The following ARF1 variants were observed in gnomAD, a reference collection of about 807,000 sequenced individuals.
The protein encoded by ARF1 is ADP-ribosylation factor 1.
ARF1 carries 1 observed loss-of-function variant against 18.0 expected under a neutral mutation model. That is an observed-to-expected ratio of 0.06 (90% CI 0.02 to 0.26). The LOEUF is 0.26. Ranked by LOEUF, ARF1 falls within the 10% of genes least tolerant of loss-of-function variation. The pLI is 1.00. For synonymous variants in ARF1, 112 were observed against 96.3 expected, an observed-to-expected ratio of 1.16 and a Z score of -0.95; for missense variants, 73 against 247.2, an observed-to-expected ratio of 0.30 and a Z score of 4.73.
In ARF1 at chr1:228,092,832, C is replaced by T. The variant is rs193051254; in HGVS notation, c.-37-4246C>T. 2.0e-4 allele frequency among the ~76,000 whole-genome samples: 30 copies of T among 152,304 alleles called. No homozygotes were observed. In the East Asian group the frequency reaches 5.4e-3, roughly 27 times the overall value. ...CAGTTTGGTTGGATCCATTCATGGA[C>T]ACAAAACGGATGTGAACTCACAGAG... On this transcript the variant is annotated intron_variant, in intron 1 of 4. Transcript: ENST00000272102.
chr1:228,097,547 G>A lies in ARF1; in HGVS notation c.260-44G>A. 1 of 1,612,036 alleles carries A rather than the reference G, an allele frequency of 6.2e-7. No homozygotes were observed. The highest frequency in any genetic ancestry group is 8.5e-7 in the Non-Finnish European group (1 of 1,179,894). The stretch of plus-strand genomic sequence containing the variant: ...GCATCGATGCCCATAGATGCGGCAG[G>A]GGGGCTGTGTTCCCATGACCATTTG... On this transcript the variant is annotated intron_variant, in intron 3 of 4. Coordinates refer to ENST00000272102, the MANE Select transcript of ARF1 (RefSeq NM_001658.4). The surrounding 1 kb of genome is among the most constrained non-coding windows in gnomAD (Gnocchi z 8.1).
intron 1 of ARF1, among the ~76,000 whole-genome samples, chr1:228,093,547 G>A (rs1448413864): frequency 6.6e-6 from 1 of 151,712 alleles, no homozygotes; most frequent in African/African-American, 2.4e-5. Context: ...TGAGACTTCA[G>A]GTTCACCCAT....
intron 1 of ARF1, among the ~76,000 whole-genome samples, chr1:228,091,747 A>T (rs2032583052): frequency 6.6e-6 from 1 of 152,206 alleles, no homozygotes. Context: ...TGCAGTGCTC[A>T]GTCACAGAAA....
chr1:228,086,578 A>G (rs531279299), intron 1 of ARF1, among the ~76,000 whole-genome samples: 1 of 152,228 alleles, frequency 6.6e-6, no homozygotes, highest in Non-Finnish European at 1.5e-5. Flanking sequence ...AAATACCCGA[A>G]AGGCCTGCCT....
rs995729445 is a variant in ARF1, at chr1:228,098,567, G to A, written c.*554G>A. ...AACATGAGGTGGTGGTGGCGCAGCA[G>A]ACTGCGATCAATTCTGCATGGTCAC... On this transcript the variant is annotated 3_prime_UTR_variant, in exon 5 of 5. Transcript: ENST00000272102. The A allele has an allele frequency of 6.5e-6, 1 of 152,870 alleles. No homozygotes were observed. Among genetic ancestry groups the A allele is most frequent in the African/African-American group, 2.4e-5 (1 of 41,456 alleles). The allele number at this position is 152,870 out of a possible 1,614,324, so 9.5% of individuals were successfully genotyped here.
rs2032832572 is a variant in ARF1 at position 228,098,407 on chromosome 1, A to G, written c.*394A>G. Reference sequence around the variant, plus strand: ...CATTTTGGTGGTTGGTTTTTAACCCAAACTCAGTGCATTTTTTAAAATAGT... The same window carrying G: ...CATTTTGGTGGTTGGTTTTTAACCCGAACTCAGTGCATTTTTTAAAATAGT... On this transcript the variant is annotated 3_prime_UTR_variant, in exon 5 of 5. Coordinates refer to ENST00000272102, the MANE Select transcript of ARF1 (RefSeq NM_001658.4). 6.2e-6 allele frequency: 1 copy of G among 160,200 alleles called. No homozygotes were observed. The allele number at this position is 160,200 out of a possible 1,614,324, so 9.9% of individuals were successfully genotyped here. A position where few individuals can be genotyped will look rare whatever the true frequency, so the allele number is the denominator to read the frequency against.
In ARF1 at chr1:228,097,980, C is replaced by A. The variant is rs768348405; in HGVS notation, c.513C>A (p.Asp171Glu). The change falls in exon 5 of 5, where the codon GAC (aspartate) becomes GAA (glutamate). Residue 171 changes from aspartate to glutamate, a missense_variant. Coordinates refer to ENST00000272102, the MANE Select transcript of ARF1 (RefSeq NM_001658.4). The surrounding 1 kb of genome is among the most constrained non-coding windows in gnomAD (Gnocchi z 8.1). Reference protein sequence around the residue: ...TSGDGLYEGLDWLSNQLRNQK With the variant: ...TSGDGLYEGLEWLSNQLRNQK ...GCGACGGGCTCTATGAAGGACTGGA[C>A]TGGCTGTCCAATCAGCTCCGGAACC... 1 of 1,614,120 alleles carries A rather than the reference C, an allele frequency of 6.2e-7. No individual in the cohort carries two copies. The highest frequency in any genetic ancestry group is 8.5e-7 in the Non-Finnish European group (1 of 1,179,982).
chr1:228,097,069 T>G lies in ARF1; in HGVS notation c.-37-9T>G, dbSNP rs771140686. 6.4e-7 allele frequency: 1 copy of G among 1,551,598 alleles called. No homozygotes were observed. The highest frequency in any genetic ancestry group is 1.9e-5 in the Admixed American group (1 of 53,134). On this transcript the variant is annotated splice_polypyrimidine_tract_variant and intron_variant, in intron 1 of 4. Coordinates refer to ENST00000272102, the MANE Select transcript of ARF1 (RefSeq NM_001658.4). This position sits in a 1 kb window ranked among gnomAD's most constrained non-coding sequence, Gnocchi z 8.1. ...ACAGAACCAGACATGGAGCACCTTG[T>G]CTCTCCAGGTGTCCCTGGCCAGTGT...
At chr1:228,091,961 CTATA>C (rs1558085306) in intron 1 of ARF1, among the ~76,000 whole-genome samples, 1 of 152,118 alleles carries the variant, frequency 6.6e-6, no homozygotes, top group East Asian at 1.9e-4. Flanking sequence ...ATCATCTACA[CTATA>C]TGTATGACTG....
rs746117851 is a variant in ARF1, at chr1:228,097,314, A to G, written c.149-28A>G. The G allele has an allele frequency of 3.1e-6, 5 of 1,611,970 alleles. No homozygotes were observed. Among genetic ancestry groups the G allele is most frequent in the African/African-American group, 2.7e-5 (2 of 74,874 alleles). Reference sequence around the variant, plus strand: ...GCTGGGCTGGGCTGGGCCAAGGTACAAGGCCTCACCCTGCATCCCGCACCC... The same window carrying G: ...GCTGGGCTGGGCTGGGCCAAGGTACGAGGCCTCACCCTGCATCCCGCACCC... On this transcript the variant is annotated intron_variant, in intron 2 of 4. Coordinates refer to ENST00000272102, the MANE Select transcript of ARF1 (RefSeq NM_001658.4). This position sits in a 1 kb window ranked among gnomAD's most constrained non-coding sequence, Gnocchi z 8.1.
intron 1 of ARF1, among the ~76,000 whole-genome samples, chr1:228,087,440 A>G (rs1301845587): frequency 1.3e-5 from 2 of 152,206 alleles, no homozygotes; most frequent in African/African-American, 4.8e-5. Flanking sequence ...CTATGAATAC[A>G]TCTTCTGGCA....
At chr1:228,094,206 T>G (rs1050858154) in intron 1 of ARF1, among the ~76,000 whole-genome samples, 7 of 152,142 alleles carry the variant, frequency 4.6e-5, no homozygotes, top group African/African-American at 1.7e-4. Flanking sequence ...GCTTCAGTGG[T>G]CGTGGCAGTC....
chr1:228,092,112 A>G (rs1366793797), intron 1 of ARF1, among the ~76,000 whole-genome samples: 3 of 152,190 alleles, frequency 2.0e-5, no homozygotes, highest in Admixed American at 6.5e-5. Context: ...AGATGTGTGT[A>G]ATTTATCTGT....
chr1:228,095,914 C>T (rs2032731345), intron 1 of ARF1, among the ~76,000 whole-genome samples: 1 of 152,192 alleles, frequency 6.6e-6, no homozygotes, highest in Non-Finnish European at 1.5e-5. Flanking sequence ...AATTTCAGAA[C>T]TCATTTAAAT....
At chr1:228,096,535 C>T (rs1571843715) in intron 1 of ARF1, 1 of 152,594 alleles carries the variant, frequency 6.6e-6, no homozygotes. Context: ...TTGCTGTCCC[C>T]GATATTTGTG....
chr1:228,097,557 T>A lies in ARF1; in HGVS notation c.260-34T>A, dbSNP rs1443920032. 1.2e-6 allele frequency: 2 copies of A among 1,613,784 alleles called. No homozygotes were observed. Among genetic ancestry groups the A allele is most frequent in the Non-Finnish European group, 1.7e-6 (2 of 1,179,938 alleles). ...CCATAGATGCGGCAGGGGGGCTGTGTTCCCATGACCATTTGACACTGGCTG... is the reference window on the plus strand; with the variant it reads ...CCATAGATGCGGCAGGGGGGCTGTGATCCCATGACCATTTGACACTGGCTG... On this transcript the variant is annotated intron_variant, in intron 3 of 4. Coordinates refer to ENST00000272102, the MANE Select transcript of ARF1 (RefSeq NM_001658.4). The surrounding 1 kb of genome is among the most constrained non-coding windows in gnomAD (Gnocchi z 8.1).
chr1:228,097,506 C>G lies in ARF1; in HGVS notation c.259+54C>G. On this transcript the variant is annotated intron_variant, in intron 3 of 4. Coordinates refer to ENST00000272102, the MANE Select transcript of ARF1 (RefSeq NM_001658.4). The surrounding 1 kb of genome is among the most constrained non-coding windows in gnomAD (Gnocchi z 8.1). ...CACTCCTGCTTCTAGAGAGGGGGGG[C>G]CAGCCCATAGATGGGGCATCGATGC... The G allele has an allele frequency of 6.2e-7, 1 of 1,613,412 alleles. No individual in the cohort carries two copies. Among genetic ancestry groups the G allele is most frequent in the Non-Finnish European group, 8.5e-7 (1 of 1,179,636 alleles).
rs2032787043 is a variant in ARF1 at position 228,097,403 on chromosome 1, C to A, written c.210C>A (p.Gly70=). 3 of 1,614,058 alleles carry A rather than the reference C, an allele frequency of 1.9e-6. No individual in the cohort carries two copies. The highest frequency in any genetic ancestry group is 1.7e-5 in the Admixed American group (1 of 60,008). ...GCTTCACTGTGTGGGACGTGGGTGG[C>A]CAGGACAAGATCCGGCCCCTGTGGC... ...NISFTVWDVG[G]QDKIRPLWRH... Residue 70 remains glycine, a synonymous_variant, in exon 3 of 5, where the codon GGC becomes GGA. Coordinates refer to ENST00000272102, the MANE Select transcript of ARF1 (RefSeq NM_001658.4). The surrounding 1 kb of genome is among the most constrained non-coding windows in gnomAD (Gnocchi z 8.1).
intron 1 of ARF1, among the ~76,000 whole-genome samples, chr1:228,084,888 G>A (rs2032344173): frequency 2.0e-5 from 3 of 152,316 alleles, no homozygotes; most frequent in South Asian, 4.1e-4. Context: ...TAAACCTGCT[G>A]TTACTCACAG....
Sources: gnomAD v4.1 joint callset for allele counts (sites outside exome capture counted in the v4.1 genomes callset) on GRCh38, gnomAD v4.1.1 for gene constraint, Gnocchi (gnomAD v3.1) non-coding constraint, MANE v1.5 for transcripts, NCBI Gene and HGNC (gene_info 2026-07-23, HGNC 2026-07-21) for gene names.